The following C1QTNF3 variants were observed in gnomAD, a reference collection of about 807,000 sequenced individuals.
C1QTNF3 encodes the protein complement C1q tumor necrosis factor-related protein 3.
C1QTNF3 carries 26 observed loss-of-function variants against 32.6 expected under a neutral mutation model. The observed-to-expected ratio is 0.80, with a 90% CI of 0.58 to 1.11. The LOEUF is 1.11. Ranked by LOEUF, C1QTNF3 falls within the 50% of genes least tolerant of loss-of-function variation. C1QTNF3 has a pLI of 0.00. For missense variants in C1QTNF3, 362 were observed against 398.2 expected (o/e 0.91, Z 0.77); for synonymous variants, 155 against 146.0 (o/e 1.06, Z -0.44).
Position 34,033,313 on chromosome 5 carries a change from T to C in C1QTNF3, c.561A>G (p.Pro187=). 5.0e-6 allele frequency: 8 copies of C among 1,613,758 alleles called. No individual in the cohort carries two copies. Among genetic ancestry groups the C allele is most frequent in the Non-Finnish European group, 6.8e-6 (8 of 1,179,850 alleles). The change falls in exon 3 of 6, where the codon CCA becomes CCG. Residue 187 remains proline (P), a synonymous_variant. Transcript: ENST00000382065. ...ACCGAGGATGGTTTACCTGAAGTTC[T>C]GGTGGAATCCCCGGGTAGCCCTTCT... ...KGEKGYPGIP[P]ELQIAFMASL... is the part of the protein sequence containing the mutation.
the C1QTNF3 span, among the ~76,000 whole-genome samples, chr5:34,203,928 A>G: frequency 6.6e-6 from 1 of 152,126 alleles, no homozygotes; most frequent in African/African-American, 2.4e-5. Flanking sequence ...TGACAAAGGA[A>G]GTCATTACAT....
chr5:34,104,062 C>T, the C1QTNF3 span, among the ~76,000 whole-genome samples: 5 of 123,540 alleles, frequency 4.0e-5, no homozygotes, highest in African/African-American at 1.5e-4. Flanking sequence ...ATATTCTTCC[C>T]GGAAGACCAA....
the C1QTNF3 span, among the ~76,000 whole-genome samples, chr5:34,075,681 A>T: frequency 2.6e-5 from 4 of 151,634 alleles, no homozygotes; most frequent in Non-Finnish European, 2.9e-5. Flanking sequence ...TGGAATGGAA[A>T]TATCTAAAAA....
At chr5:34,055,462 T>C in the C1QTNF3 span, among the ~76,000 whole-genome samples, 1 of 152,184 alleles carries the variant, frequency 6.6e-6, no homozygotes, top group Non-Finnish European at 1.5e-5. Flanking sequence ...AGATGAGGCA[T>C]TCAAAGCCAA....
the C1QTNF3 span, among the ~76,000 whole-genome samples, chr5:34,160,800 C>T: frequency 4.0e-5 from 6 of 151,226 alleles, no homozygotes; most frequent in African/African-American, 7.3e-5. Context: ...AATCCCTGAC[C>T]GCTGACAGAG....
At chr5:34,225,328 T>C in the C1QTNF3 span, among the ~76,000 whole-genome samples, 1 of 152,048 alleles carries the variant, frequency 6.6e-6, no homozygotes, top group Non-Finnish European at 1.5e-5. Flanking sequence ...TGCACTAACA[T>C]TGTTTTGTTA....
the C1QTNF3 span, among the ~76,000 whole-genome samples, chr5:34,128,081 G>A: frequency 2.6e-5 from 4 of 152,140 alleles, no homozygotes; most frequent in African/African-American, 9.7e-5. Flanking sequence ...CCAGGTCCTC[G>A]GTCCTCTGTG....
chr5:34,055,394 C>A, the C1QTNF3 span, among the ~76,000 whole-genome samples: 1 of 152,248 alleles, frequency 6.6e-6, no homozygotes, highest in South Asian at 2.1e-4. Context: ...GGATTCTCAC[C>A]GTATGAAAAG....
the C1QTNF3 span, among the ~76,000 whole-genome samples, chr5:34,055,008 C>A: frequency 6.6e-6 from 1 of 152,174 alleles, no homozygotes; most frequent in East Asian, 1.9e-4. Context: ...ACAAGGTGCT[C>A]ACAGAATTGA....
At chr5:34,171,426 A>C in the C1QTNF3 span, among the ~76,000 whole-genome samples, 1 of 151,958 alleles carries the variant, frequency 6.6e-6, no homozygotes, top group African/African-American at 2.4e-5. Flanking sequence ...TTTTATAATT[A>C]AGTGAAATGT....
At chr5:34,055,071 G>A in the C1QTNF3 span, among the ~76,000 whole-genome samples, 152 of 152,330 alleles carry the variant, frequency 1.0e-3, no homozygotes, top group Middle Eastern at 3.4e-3. Context: ...TGTATAGAAG[G>A]TTCCACACAG....
rs1754540313 is a variant in C1QTNF3 at position 34,028,753 on chromosome 5, C to T, written c.700+1G>A. Reference sequence around the variant, plus strand: ...ATCTTCATCCTATGTTTCCATCTCACCTGATACTGGGGCCCCAAATCTACC... The same window carrying T: ...ATCTTCATCCTATGTTTCCATCTCATCTGATACTGGGGCCCCAAATCTACC... On this transcript the variant is annotated splice_donor_variant, in intron 4 of 5. Coordinates refer to ENST00000382065, the MANE Select transcript of C1QTNF3 (RefSeq NM_181435.6). LOFTEE classifies it high-confidence loss of function. 1 of 1,605,060 alleles carries T rather than the reference C, an allele frequency of 6.2e-7. No individual in the cohort carries two copies. The highest frequency in any genetic ancestry group is 8.5e-7 in the Non-Finnish European group (1 of 1,175,476).
At chr5:34,195,946 T>C in the C1QTNF3 span, among the ~76,000 whole-genome samples, 1 of 152,292 alleles carries the variant, frequency 6.6e-6, no homozygotes, top group Admixed American at 6.5e-5. Flanking sequence ...GTCATGAGAA[T>C]AGAGCCCCTG....
the C1QTNF3 span, among the ~76,000 whole-genome samples, chr5:34,089,896 T>C: frequency 6.6e-6 from 1 of 152,238 alleles, no homozygotes; most frequent in Admixed American, 6.5e-5. Context: ...GACTTCACAT[T>C]CATTGTATAA....
At chr5:34,230,878 T>G in the C1QTNF3 span, among the ~76,000 whole-genome samples, 2 of 152,320 alleles carry the variant, frequency 1.3e-5, no homozygotes, top group African/African-American at 4.8e-5. Flanking sequence ...CATATTCTTG[T>G]TTTTAATCTA....
the C1QTNF3 span, among the ~76,000 whole-genome samples, chr5:34,194,923 A>G: frequency 6.7e-6 from 1 of 148,536 alleles, no homozygotes; most frequent in African/African-American, 2.5e-5. Flanking sequence ...TGTGTAAGGA[A>G]TAAGGACAAG....
the C1QTNF3 span, among the ~76,000 whole-genome samples, chr5:34,064,058 A>G: frequency 2.0e-5 from 3 of 152,124 alleles, no homozygotes; most frequent in African/African-American, 7.2e-5. Context: ...TGAAAGTGGA[A>G]GCTGGTTCTG....
chr5:34,209,735 G>C, the C1QTNF3 span, among the ~76,000 whole-genome samples: 1,761 of 152,114 alleles, frequency 0.012, 18 homozygotes, highest in South Asian at 0.049. Context: ...CATATATATA[G>C]TTTTACAGAC....
the C1QTNF3 span, among the ~76,000 whole-genome samples, chr5:34,226,157 T>C: frequency 1.3e-5 from 2 of 152,014 alleles, no homozygotes; most frequent in Non-Finnish European, 2.9e-5. Flanking sequence ...ATCTTCTATG[T>C]ATAAACTATC....
Sources: gnomAD v4.1 joint callset for allele counts (sites outside exome capture counted in the v4.1 genomes callset) on GRCh38, gnomAD v4.1.1 for gene constraint, MANE v1.5 for transcripts, NCBI Gene and HGNC (gene_info 2026-07-23, HGNC 2026-07-21) for gene names.